The following PRUNE2 variants were observed in gnomAD, a reference collection of about 807,000 sequenced individuals.
The protein encoded by PRUNE2 is protein prune homolog 2.
PRUNE2 carries 164 observed loss-of-function variants against 252.0 expected under a neutral mutation model. That is an observed-to-expected ratio of 0.65 (90% CI 0.57 to 0.74). The LOEUF (loss-of-function observed/expected upper bound fraction) is 0.74. Ranked by LOEUF, PRUNE2 falls within the 30% of genes least tolerant of loss-of-function variation. The probability of loss-of-function intolerance (pLI) is 0.00; values close to 1 mark genes in which losing one functional copy is unlikely to be tolerated. For missense variants in PRUNE2, 3,495 were observed against 3,711.0 expected (o/e 0.94, Z 1.51); for synonymous variants, 1,292 against 1,350.2 (o/e 0.96, Z 0.94).
At chr9:76,625,529 T>C (rs1416322618) in intron 16 of PRUNE2, among the ~76,000 whole-genome samples, 1 of 152,170 alleles carries the variant, frequency 6.6e-6, no homozygotes, top group South Asian at 2.1e-4. Flanking sequence ...AAATTGACAT[T>C]TGGGGGAAAT....
At chr9:76,776,932 A>G (rs2053857224) in intron 6 of PRUNE2, among the ~76,000 whole-genome samples, 1 of 148,044 alleles carries the variant, frequency 6.8e-6, no homozygotes, top group African/African-American at 2.6e-5. Flanking sequence ...ACACACACAC[A>G]CACACACACA....
At chr9:76,882,881 G>T (rs117614886) in intron 1 of PRUNE2, among the ~76,000 whole-genome samples, 1,803 of 152,282 alleles carry the variant, frequency 0.012, 19 homozygotes, top group Non-Finnish European at 0.017. Context: ...TAGAGGAAAT[G>T]AGTAGTTTGG....
At position 76,710,320 on chromosome 9, in the gene PRUNE2, G is replaced by A. The variant is rs756849942; in HGVS notation, c.1954C>T (p.Arg652Trp). Reference sequence around the variant, plus strand: ...AAACCACCCCACCAGCTGCTGCACCGTGCATGGGTCTGAGGTGGCCCCATG... The same window carrying A: ...AAACCACCCCACCAGCTGCTGCACCATGCATGGGTCTGAGGTGGCCCCATG... ...GHMGPPQTHARCSSWWGGLEI... is the reference protein window; with the variant it reads ...GHMGPPQTHAWCSSWWGGLEI... The change falls in exon 8 of 19, where the codon CGG becomes TGG. Residue 652 changes from arginine to tryptophan, a missense_variant. Coordinates refer to ENST00000376718, the MANE Select transcript of PRUNE2 (RefSeq NM_015225.3). 4.1e-5 allele frequency: 66 copies of A among 1,613,804 alleles called. No individual in the cohort carries two copies. The highest frequency in any genetic ancestry group is 3.1e-4 in the South Asian group (28 of 91,082).
intron 6 of PRUNE2, among the ~76,000 whole-genome samples, chr9:76,822,777 A>G (rs922247716): frequency 2.6e-5 from 4 of 152,260 alleles, no homozygotes; most frequent in Admixed American, 1.3e-4. Context: ...ACTGCACTCC[A>G]GCCTGGGTGA....
Position 76,706,163 on chromosome 9 carries a change from G to A in PRUNE2, c.6111C>T (p.Gly2037=), listed in dbSNP as rs1396227574. 3.1e-6 allele frequency: 5 copies of A among 1,613,890 alleles called. No individual in the cohort carries two copies. Among genetic ancestry groups the A allele is most frequent in the Non-Finnish European group, 4.2e-6 (5 of 1,179,896 alleles). Residue 2037 remains glycine, a synonymous_variant, in exon 8 of 19, where the codon GGC becomes GGT. Coordinates refer to ENST00000376718, the MANE Select transcript of PRUNE2 (RefSeq NM_015225.3). ...LIMKPGSEWD[G]STPSEDSRGT... ...CTCGGGAGTCCTCACTTGGGGTAGA[G>A]CCATCCCATTCAGAGCCTGGCTTCA...
Position 76,705,580 on chromosome 9 carries a change from C to G in PRUNE2, c.6694G>C (p.Ala2232Pro). 1 of 1,614,012 alleles carries G rather than the reference C, an allele frequency of 6.2e-7. No homozygotes were observed. The change falls in exon 8 of 19, where the codon GCA (alanine) becomes CCA (proline). Residue 2232 changes from alanine (A) to proline (P), a missense_variant. Transcript: ENST00000376718. ...DRRIPRIENV[A>P]TSIFVTHQEP... ...TGGTGAGTTACAAAAATGCTAGTTGCCACATTTTCAATCCTTGGGATTCTT... is the reference window on the plus strand; with the variant it reads ...TGGTGAGTTACAAAAATGCTAGTTGGCACATTTTCAATCCTTGGGATTCTT...
intron 12 of PRUNE2, 165 bp downstream of exon 12, chr9:76,644,569 TATTGA>T (rs746434688): frequency 2.7e-6 from 2 of 733,084 alleles, no homozygotes; most frequent in Non-Finnish European, 4.8e-6. Flanking sequence ...TTCAAATGTT[TATTGA>T]ATTGAATATG....
chr9:76,857,109 T>C (rs1035452976), intron 1 of PRUNE2: 1 of 455,870 alleles, frequency 2.2e-6, no homozygotes, highest in African/African-American at 2.0e-5. Flanking sequence ...CTTCATCCTA[T>C]GCATCAAGTT....
intron 8 of PRUNE2, among the ~76,000 whole-genome samples, 171 bp from the exon 9 acceptor site, chr9:76,704,270 G>C (rs2046140981): frequency 1.3e-5 from 2 of 152,102 alleles, no homozygotes; most frequent in Non-Finnish European, 2.9e-5. Context: ...TGTCACCCAG[G>C]ATAGAGTGCA....
chr9:76,760,250 A>G (rs2051573228), intron 6 of PRUNE2, among the ~76,000 whole-genome samples: 1 of 152,092 alleles, frequency 6.6e-6, no homozygotes, highest in South Asian at 2.1e-4. Flanking sequence ...GAATGAATGG[A>G]TGGATATCAA....
intron 16 of PRUNE2, among the ~76,000 whole-genome samples, chr9:76,628,320 T>C (rs1022258728): frequency 1.3e-5 from 2 of 152,256 alleles, no homozygotes; most frequent in East Asian, 3.8e-4. Flanking sequence ...CCATGCAGGA[T>C]GCTGACGCTG....
At chr9:76,680,167 C>T (rs1040425130) in intron 9 of PRUNE2, among the ~76,000 whole-genome samples, 1 of 152,050 alleles carries the variant, frequency 6.6e-6, no homozygotes, top group Non-Finnish European at 1.5e-5. Flanking sequence ...CAAAAATGTA[C>T]ATAACCTGAT....
chr9:76,739,187 G>A (rs2049348329), intron 6 of PRUNE2: 1 of 152,144 alleles, frequency 6.6e-6, no homozygotes, highest in South Asian at 2.1e-4. Flanking sequence ...GGATACTAAG[G>A]AGGAAGAGAA....
At chr9:76,691,107 G>A (rs1254856019) in intron 9 of PRUNE2, among the ~76,000 whole-genome samples, 1 of 152,200 alleles carries the variant, frequency 6.6e-6, no homozygotes, top group Non-Finnish European at 1.5e-5. Context: ...GACTCATGCA[G>A]GAGCCGCTCC....
rs769334443 is a variant in PRUNE2, at chr9:76,709,714, T to G, written c.2560A>C (p.Ser854Arg). 6.2e-7 allele frequency: 1 copy of G among 1,613,912 alleles called. No individual in the cohort carries two copies. Among genetic ancestry groups the G allele is most frequent in the African/African-American group, 1.3e-5 (1 of 74,934 alleles). ...GGAGCTGCTTCATTGTTTATCTCAC[T>G]GGGTGAATTGTCCAGTAGTTCTGAA... The part of the protein sequence containing the change: ...SSSELLDNSP[S>R]EINNEAAPEI... The change falls in exon 8 of 19, where the codon AGT (serine) becomes CGT (arginine). Residue 854 changes from serine to arginine, a missense_variant. Coordinates refer to ENST00000376718, the MANE Select transcript of PRUNE2 (RefSeq NM_015225.3).
intron 6 of PRUNE2, among the ~76,000 whole-genome samples, chr9:76,818,358 C>A (rs1293660480): frequency 1.3e-5 from 2 of 152,132 alleles, no homozygotes; most frequent in East Asian, 1.9e-4. Flanking sequence ...TAAACGTTCC[C>A]TTTTGTCAGG....
intron 11 of PRUNE2, among the ~76,000 whole-genome samples, chr9:76,651,532 G>A (rs766749566): frequency 2.6e-5 from 4 of 152,090 alleles, no homozygotes; most frequent in Non-Finnish European, 5.9e-5. Context: ...AGACTCTCTC[G>A]CTTTCACTTT....
At chr9:76,862,452 C>T (rs369999397) in intron 1 of PRUNE2, 2 of 152,182 alleles carry the variant, frequency 1.3e-5, no homozygotes, top group African/African-American at 2.4e-5. Context: ...GACCTTGTGG[C>T]GTCCTGTGTC....
At chr9:76,773,876 A>T (rs2053403764) in intron 6 of PRUNE2, among the ~76,000 whole-genome samples, 1 of 152,228 alleles carries the variant, frequency 6.6e-6, no homozygotes, top group Non-Finnish European at 1.5e-5. Context: ...AAATAACCCC[A>T]CAGAAAAAAG....
Sources: allele counts gnomAD v4.1 joint callset (sites outside exome capture counted in the v4.1 genomes callset), GRCh38; gene constraint gnomAD v4.1.1; transcripts MANE v1.5; gene names NCBI Gene and HGNC (gene_info 2026-07-23, HGNC 2026-07-21).